The following BMPR2 variants were observed in gnomAD, a reference collection of about 807,000 sequenced individuals.
The protein encoded by BMPR2 is bone morphogenetic protein receptor type-2.
Under a neutral mutation model 100.8 loss-of-function variants are expected in BMPR2, and 29 were observed. That is an observed-to-expected ratio of 0.29 (90% CI 0.21 to 0.39). The LOEUF is 0.39. Ranked by LOEUF, BMPR2 falls within the 10% of genes least tolerant of loss-of-function variation. The probability of loss-of-function intolerance (pLI) is 1.00; values close to 1 mark genes in which losing one functional copy is unlikely to be tolerated. For missense variants in BMPR2, 1,011 were observed against 1,274.5 expected, an observed-to-expected ratio of 0.79 and a Z score of 3.15; for synonymous variants, 382 against 442.3, an observed-to-expected ratio of 0.86 and a Z score of 1.71.
rs181755403 is a variant in BMPR2 at position 202,558,995 on chromosome 2, A to G, written c.2867-701A>G. Among the ~76,000 whole-genome samples the G allele has an allele frequency of 2.0e-5, 3 of 151,410 alleles. No homozygotes were observed. The East Asian group carries it at 5.9e-4, about 30-fold the overall frequency. ...ATTCTTCTGAAAAATATTGTATGCCAGGTGCCTTTAAAATTTGATCCAGGC... is the reference window on the plus strand; with the variant it reads ...ATTCTTCTGAAAAATATTGTATGCCGGGTGCCTTTAAAATTTGATCCAGGC... On this transcript the variant is annotated intron_variant, in intron 12 of 12. Transcript: ENST00000374580.
rs1485009766 is a variant in BMPR2 at position 202,503,967 on chromosome 2, A to C, written c.419-9752A>C. 1.3e-5 allele frequency among the ~76,000 whole-genome samples: 2 copies of C among 152,156 alleles called. No individual in the cohort carries two copies. Among genetic ancestry groups the C allele is most frequent in the Non-Finnish European group, 2.9e-5 (2 of 68,028 alleles). The stretch of plus-strand genomic sequence containing the variant: ...CCTGTGTCTAGCTCAGGGTTTGTGA[A>C]TGCACCAGTAGACACTCTGTATCTA... On this transcript the variant is annotated intron_variant, in intron 3 of 12. Transcript: ENST00000374580. The surrounding 1 kb of genome is among the most constrained non-coding windows in gnomAD (Gnocchi z 4.0).
At chr2:202,459,693 G>A (rs1205720096) in intron 1 of BMPR2, among the ~76,000 whole-genome samples, 1 of 152,142 alleles carries the variant, frequency 6.6e-6, no homozygotes, top group Non-Finnish European at 1.5e-5. Flanking sequence ...ATAGGAACAG[G>A]CAAAGTTTTC....
intron 2 of BMPR2, among the ~76,000 whole-genome samples, chr2:202,466,528 C>T (rs961323362): frequency 8.5e-5 from 13 of 152,246 alleles, no homozygotes; most frequent in African/African-American, 2.2e-4. Context: ...CCTCATGATC[C>T]GCCCACTTCG....
chr2:202,404,591 A>T (rs768080774), intron 1 of BMPR2, among the ~76,000 whole-genome samples: 14 of 152,214 alleles, frequency 9.2e-5, no homozygotes, highest in Admixed American at 2.0e-4. Flanking sequence ...AATGAACATC[A>T]GATATTGGTG....
chr2:202,466,075 AGTT>A (rs897396025), intron 2 of BMPR2, among the ~76,000 whole-genome samples: 3 of 152,224 alleles, frequency 2.0e-5, no homozygotes, highest in African/African-American at 7.2e-5. Flanking sequence ...AGTGAAACAC[AGTT>A]GTTCAGTGAA....
In BMPR2 at chr2:202,386,534, C is replaced by CT. The variant is rs570723339; in HGVS notation, c.76+8986dup. ...AAATATATCTAGAATCTTATTGCTTCTTACCACCTCCACTGTGCTACTACC... is the reference window on the plus strand; with the variant it reads ...AAATATATCTAGAATCTTATTGCTTCTTTACCACCTCCACTGTGCTACTACC... On this transcript the variant is annotated intron_variant, in intron 1 of 12. Transcript: ENST00000374580. Among the ~76,000 whole-genome samples, 1,111 of 152,258 alleles carry CT rather than the reference C, an allele frequency of 7.3e-3. 11 individuals are homozygous for CT. Among genetic ancestry groups the CT allele is most frequent in the Non-Finnish European group, 0.012 (820 of 68,026 alleles).
intron 1 of BMPR2, among the ~76,000 whole-genome samples, chr2:202,419,272 C>A (rs1046933532): frequency 6.6e-6 from 1 of 152,112 alleles, no homozygotes; most frequent in Non-Finnish European, 1.5e-5. Context: ...ATTTAAAATG[C>A]CATGTACTAA....
chr2:202,471,242 C>G (rs991323955), intron 3 of BMPR2, among the ~76,000 whole-genome samples: 1 of 152,154 alleles, frequency 6.6e-6, no homozygotes, highest in Non-Finnish European at 1.5e-5. Context: ...AGTAGAATGT[C>G]AAGTGCCAAC....
chr2:202,415,224 C>T (rs1691100571), intron 1 of BMPR2, among the ~76,000 whole-genome samples: 1 of 152,000 alleles, frequency 6.6e-6, no homozygotes, highest in Admixed American at 6.6e-5. Flanking sequence ...AATCCCAGCA[C>T]TTTGGGAGGC....
At chr2:202,390,980 CTTTTTTTTTTTTTTTTT>C in intron 1 of BMPR2, among the ~76,000 whole-genome samples, 1 of 51,932 alleles carries the variant, frequency 1.9e-5, no homozygotes, top group Non-Finnish European at 3.6e-5. Context: ...AGTAAGTAGT[CTTTTTTTTTTTTTTTTT>C]TTTTTTTTTT....
chr2:202,513,681 T>TA (rs748199273), intron 3 of BMPR2, 38 bp from the exon 4 acceptor site: 303 of 1,394,290 alleles, frequency 2.2e-4, no homozygotes, highest in African/African-American at 4.2e-4. Flanking sequence ...AATACTTTTT[T>TA]AAAAAAAAAT....
intron 3 of BMPR2, 59 bp downstream of exon 3, chr2:202,467,748 A>G: frequency 6.6e-7 from 1 of 1,519,012 alleles, no homozygotes; most frequent in Non-Finnish European, 9.1e-7. Flanking sequence ...TGCAAAATAT[A>G]AAAAAACTTA....
intron 1 of BMPR2, among the ~76,000 whole-genome samples, chr2:202,397,337 T>G (rs1690674293): frequency 6.6e-6 from 1 of 152,154 alleles, no homozygotes; most frequent in African/African-American, 2.4e-5. Flanking sequence ...GTACATACAT[T>G]ATACAGAAGT....
chr2:202,511,051 A>G lies in BMPR2; in HGVS notation c.419-2668A>G, dbSNP rs577769011. Among the ~76,000 whole-genome samples the G allele has an allele frequency of 2.0e-5, 3 of 149,882 alleles. No individual in the cohort carries two copies. In the South Asian group the frequency reaches 6.4e-4, roughly 32 times the overall value. On this transcript the variant is annotated intron_variant, in intron 3 of 12. Coordinates refer to ENST00000374580, the MANE Select transcript of BMPR2 (RefSeq NM_001204.7). Reference sequence around the variant, plus strand: ...AGAATTAGTCATATTAAAATGTACCACTCAACACATTCATAGTGTTGTGCA... The same window carrying G: ...AGAATTAGTCATATTAAAATGTACCGCTCAACACATTCATAGTGTTGTGCA...
chr2:202,478,212 C>T (rs1443298565), intron 3 of BMPR2, among the ~76,000 whole-genome samples: 1 of 152,012 alleles, frequency 6.6e-6, no homozygotes, highest in African/African-American at 2.4e-5. Context: ...AAGAGTGGTG[C>T]CAAAGTGCTG....
intron 3 of BMPR2, among the ~76,000 whole-genome samples, chr2:202,482,163 T>C (rs1191325678): frequency 6.6e-6 from 1 of 152,236 alleles, no homozygotes; most frequent in Non-Finnish European, 1.5e-5. Flanking sequence ...TAGAATTTTT[T>C]TGAAGGCTGA....
In BMPR2 at chr2:202,436,077, A is replaced by T. The variant is rs916971235; in HGVS notation, c.77-28732A>T. Among the ~76,000 whole-genome samples, 61 of 150,800 alleles carry T rather than the reference A, an allele frequency of 4.0e-4. 6 individuals are homozygous for T. Among genetic ancestry groups the T allele is most frequent in the African/African-American group, 1.5e-3 (59 of 40,108 alleles). On this transcript the variant is annotated intron_variant, in intron 1 of 12. Coordinates refer to ENST00000374580, the MANE Select transcript of BMPR2 (RefSeq NM_001204.7). ...GATTCAAAAAAGCATTTCTTATACT[A>T]TGTTTCTTTCTATACTAAGTTAACT...
At chr2:202,543,209 T>G (rs1688311016) in intron 10 of BMPR2, among the ~76,000 whole-genome samples, 1 of 146,970 alleles carries the variant, frequency 6.8e-6, no homozygotes, top group African/African-American at 2.5e-5. Context: ...TATATATTTA[T>G]ATACATATAT....
rs1391272901 is a variant in BMPR2 at position 202,531,255 on chromosome 2, A to T, written c.1128+301A>T. On this transcript the variant is annotated intron_variant, in intron 8 of 12. Transcript: ENST00000374580. ...GAGGAGGAAGTTGCAGTGAGCTGAG[A>T]TTGTGCCACTGCACTCCATCCTGGG... Among the ~76,000 whole-genome samples, 6 of 152,222 alleles carry T rather than the reference A, an allele frequency of 3.9e-5. No individual in the cohort carries two copies. The East Asian group carries it at 1.2e-3, about 29-fold the overall frequency.
Sources: gnomAD v4.1 joint callset for allele counts (sites outside exome capture counted in the v4.1 genomes callset) on GRCh38, gnomAD v4.1.1 for gene constraint, Gnocchi (gnomAD v3.1) non-coding constraint, MANE v1.5 for transcripts, NCBI Gene and HGNC (gene_info 2026-07-23, HGNC 2026-07-21) for gene names.